Variants in CCDC40 observed in about 807,000 individuals in gnomAD.
The protein encoded by CCDC40 is coiled-coil domain-containing protein 40.
Under a neutral mutation model 124.5 loss-of-function variants are expected in CCDC40, and 104 were observed. That is an observed-to-expected ratio of 0.84 (90% CI 0.71 to 0.98). CCDC40 has a LOEUF of 0.98. CCDC40 is among the 50% of genes least tolerant of loss of function. The pLI is 0.00. For missense variants in CCDC40, 1,463 were observed against 1,503.9 expected (o/e 0.97, Z 0.45); for synonymous variants, 580 against 602.9 (o/e 0.96, Z 0.56).
chr17:80,062,932 AC>A (rs1259090017), intron 9 of CCDC40, among the ~76,000 whole-genome samples: 1 of 152,004 alleles, frequency 6.6e-6, no homozygotes, highest in African/African-American at 2.4e-5. Flanking sequence ...GGTGGCTCAC[AC>A]CTGTAATCCC....
intron 7 of CCDC40, among the ~76,000 whole-genome samples, chr17:80,056,002 A>ATTTT (rs1397122647): frequency 0.014 from 107 of 7,810 alleles, 2 homozygotes; most frequent in Middle Eastern, 0.083. Flanking sequence ...ATATATATAT[A>ATTTT]TATATATATA....
chr17:80,081,814 T>A, intron 11 of CCDC40, 25 bp downstream of exon 11: 3 of 1,613,882 alleles, frequency 1.9e-6, no homozygotes, highest in Non-Finnish European at 2.5e-6. Flanking sequence ...GCCCCACAGG[T>A]CACACCTGGC....
At chr17:80,049,536 GA>G (rs2037524252) in intron 5 of CCDC40, among the ~76,000 whole-genome samples, 2 of 152,174 alleles carry the variant, frequency 1.3e-5, no homozygotes, top group Non-Finnish European at 2.9e-5. Context: ...CTGGCAAGGG[GA>G]AAAGGCAGAT....
chr17:80,038,111 C>G lies in CCDC40; in HGVS notation c.30-12C>G, dbSNP rs1470612494. The G allele has an allele frequency of 6.3e-7, 1 of 1,595,002 alleles. No homozygotes were observed. The highest frequency in any genetic ancestry group is 1.7e-5 in the Admixed American group (1 of 59,796). On this transcript the variant is annotated splice_polypyrimidine_tract_variant and intron_variant, in intron 1 of 19. Transcript: ENST00000397545. The stretch of plus-strand genomic sequence containing the variant: ...GTTGCTTGAAACTGTTCAATTGTTT[C>G]TCTAAAACCAGGTCCCATCCGGAAG...
chr17:80,097,991 A>G (rs56027829), intron 19 of CCDC40: 54,432 of 165,532 alleles, frequency 0.33, 10,370 homozygotes, highest in African/African-American at 0.51. Context: ...AAATGCTTTG[A>G]AGGAAGATAA....
intron 7 of CCDC40, among the ~76,000 whole-genome samples, chr17:80,051,594 A>T (rs1184124180): frequency 7.4e-6 from 1 of 135,288 alleles, no homozygotes. Flanking sequence ...CCGCCACTGC[A>T]CTCCAGCCTG....
intron 9 of CCDC40, among the ~76,000 whole-genome samples, chr17:80,061,112 G>A (rs762837337): frequency 2.6e-5 from 4 of 152,328 alleles, no homozygotes; most frequent in Admixed American, 6.5e-5. Flanking sequence ...TTGGGAGGCC[G>A]AGGCCGCTGG....
chr17:80,061,351 A>G (rs2037890211), intron 9 of CCDC40, among the ~76,000 whole-genome samples: 1 of 152,146 alleles, frequency 6.6e-6, no homozygotes, highest in East Asian at 1.9e-4. Flanking sequence ...ATCTCAAAAA[A>G]CAAAACAAAA....
chr17:80,046,904 G>A (rs762034043), intron 3 of CCDC40, among the ~76,000 whole-genome samples: 1 of 152,172 alleles, frequency 6.6e-6, no homozygotes, highest in South Asian at 2.1e-4. Flanking sequence ...GGAGTGCAGT[G>A]CTGTGATCTC....
chr17:80,066,146 C>A lies in CCDC40; in HGVS notation c.1562+540C>A. ...CACCCAGGGTGACCAGGTCTCGGGA[C>A]GCGGAAAGAAAAAGCCGGGCACTGT... is the stretch of plus-strand genomic sequence containing the variant. On this transcript the variant is annotated intron_variant, in intron 10 of 19. Coordinates refer to ENST00000397545, the MANE Select transcript of CCDC40 (RefSeq NM_017950.4). The surrounding 1 kb of genome is among the most constrained non-coding windows in gnomAD (Gnocchi z 4.4). 1 of 702,892 alleles carries A rather than the reference C, an allele frequency of 1.4e-6. No individual in the cohort carries two copies. Among genetic ancestry groups the A allele is most frequent in the Non-Finnish European group, 2.6e-6 (1 of 384,982 alleles). 43.5% of individuals were successfully genotyped at this position (702,892 alleles called of 1,614,324 possible).
At chr17:80,042,118 A>G (rs1342289964) in intron 3 of CCDC40, among the ~76,000 whole-genome samples, 2 of 152,034 alleles carry the variant, frequency 1.3e-5, no homozygotes, top group Non-Finnish European at 2.9e-5. Flanking sequence ...ATTTATCCCT[A>G]AGTATTTCTC....
Position 80,036,685 on chromosome 17 carries a change from C to A in CCDC40, c.23C>A (p.Ala8Glu). ...GAAATGGCGGAACCGGGCGGCGCGG[C>A]GGGCCGGTAAGCCGGGCCGAGGGGC... MAEPGGA[A>E]GRSHPEDGSA... Residue 8 changes from alanine (A) to glutamate (E), a missense_variant, in exon 1 of 20, where the codon GCG becomes GAG. Transcript: ENST00000397545. 6.9e-7 allele frequency: 1 copy of A among 1,459,508 alleles called. No homozygotes were observed. Among genetic ancestry groups the A allele is most frequent in the Non-Finnish European group, 9.0e-7 (1 of 1,107,852 alleles). 90.4% of individuals were successfully genotyped at this position (1,459,508 alleles called of 1,614,324 possible).
intron 19 of CCDC40, among the ~76,000 whole-genome samples, chr17:80,099,239 C>T (rs1176463103): frequency 6.6e-6 from 1 of 151,678 alleles, no homozygotes. Context: ...TGCAGTGAGC[C>T]GAGATCGCAC....
At chr17:80,037,843 G>T (rs976709293) in intron 1 of CCDC40, 28 of 363,494 alleles carry the variant, frequency 7.7e-5, no homozygotes, top group Non-Finnish European at 1.3e-4. Context: ...TATATTTGAG[G>T]TGACTTTTCT....
intron 10 of CCDC40, chr17:80,068,082 G>A (rs2143691920): frequency 1.5e-6 from 1 of 686,444 alleles, no homozygotes; most frequent in Non-Finnish European, 1.8e-6. Context: ...CCCCCAGGCT[G>A]GAGTGCAGTG....
rs1406816825 is a variant in CCDC40, at chr17:80,058,717, C to T, written c.1317+66C>T. On this transcript the variant is annotated intron_variant, in intron 8 of 19. Coordinates refer to ENST00000397545, the MANE Select transcript of CCDC40 (RefSeq NM_017950.4). This position sits in a 1 kb window ranked among gnomAD's most constrained non-coding sequence, Gnocchi z 4.2. ...CGTGGAGCTTCAAAAAGGGGCTCAG[C>T]TTTGCCTCCTGCGTGAAGGCTTCCG... 1.7e-5 allele frequency: 27 copies of T among 1,605,476 alleles called. No individual in the cohort carries two copies. The highest frequency in any genetic ancestry group is 2.2e-5 in the Non-Finnish European group (26 of 1,172,478).
chr17:80,044,704 A>ATGTGTAT (rs1485851817), intron 3 of CCDC40, among the ~76,000 whole-genome samples: 30 of 37,216 alleles, frequency 8.1e-4, no homozygotes, highest in Admixed American at 6.1e-3. Context: ...AAAACAAACA[A>ATGTGTAT]ACAAAAAAAA....
intron 13 of CCDC40, among the ~76,000 whole-genome samples, chr17:80,085,532 C>T (rs943410600): frequency 1.3e-5 from 2 of 152,158 alleles, no homozygotes; most frequent in African/African-American, 4.8e-5. Flanking sequence ...TTTCCTCCAG[C>T]GGGGTCTGTG....
chr17:80,065,976 G>A, intron 10 of CCDC40: 1 of 642,022 alleles, frequency 1.6e-6, no homozygotes, highest in Non-Finnish European at 2.8e-6. Context: ...TCTGCCTGAG[G>A]GCTGCATTCC....
Sources: gnomAD v4.1 joint callset for allele counts (sites outside exome capture counted in the v4.1 genomes callset) on GRCh38, gnomAD v4.1.1 for gene constraint, Gnocchi (gnomAD v3.1) non-coding constraint, MANE v1.5 for transcripts, NCBI Gene and HGNC (gene_info 2026-07-23, HGNC 2026-07-21) for gene names.